Variants in AGBL4 observed in about 807,000 individuals in gnomAD.
AGBL4 encodes the protein cytosolic carboxypeptidase 6.
Under a neutral mutation model 66.4 loss-of-function variants are expected in AGBL4, and 58 were observed. The observed-to-expected ratio is 0.87, with a 90% CI of 0.71 to 1.09. AGBL4 has a LOEUF of 1.09. AGBL4 is among the 50% of genes least tolerant of loss of function. The probability of loss-of-function intolerance (pLI) is 0.00; values close to 1 mark genes in which losing one functional copy is unlikely to be tolerated. For missense variants in AGBL4, 579 were observed against 631.0 expected (o/e 0.92, Z 0.88); for synonymous variants, 234 against 222.9 (o/e 1.05, Z -0.44).
At chr1:49,975,540 C>T (rs1038076753) in intron 1 of AGBL4, among the ~76,000 whole-genome samples, 4 of 152,178 alleles carry the variant, frequency 2.6e-5, no homozygotes, top group Admixed American at 6.5e-5. Context: ...AAAATTTTAA[C>T]ACTTTCTCCC....
intron 5 of AGBL4, among the ~76,000 whole-genome samples, chr1:49,016,278 G>C (rs953853704): frequency 3.3e-5 from 5 of 152,156 alleles, no homozygotes; most frequent in Admixed American, 3.3e-4. Context: ...TGCCTAATGC[G>C]GGGAGGCAGT....
chr1:49,085,749 G>T (rs2147967305), intron 4 of AGBL4, among the ~76,000 whole-genome samples: 1 of 152,154 alleles, frequency 6.6e-6, no homozygotes, highest in East Asian at 2.0e-4. Flanking sequence ...AGGGTCCCCT[G>T]GGGGATTCAT....
At chr1:49,027,661 C>T (rs1232435553) in intron 5 of AGBL4, among the ~76,000 whole-genome samples, 1 of 152,084 alleles carries the variant, frequency 6.6e-6, no homozygotes, top group Non-Finnish European at 1.5e-5. Context: ...CCACAAGCAC[C>T]TCTCACATAG....
intron 3 of AGBL4, among the ~76,000 whole-genome samples, chr1:49,292,373 C>T (rs886196409): frequency 1.3e-5 from 2 of 152,204 alleles, no homozygotes; most frequent in African/African-American, 4.8e-5. Context: ...TTAGACCCCA[C>T]CTTCAAGCCA....
At chr1:48,756,655 A>C (rs1036579120) in intron 6 of AGBL4, among the ~76,000 whole-genome samples, 10 of 152,240 alleles carry the variant, frequency 6.6e-5, no homozygotes, top group African/African-American at 2.4e-4. Flanking sequence ...CCTCCTCTTA[A>C]GGGTAGAGAT....
intron 5 of AGBL4, among the ~76,000 whole-genome samples, chr1:48,889,407 G>T (rs1279967298): frequency 6.6e-6 from 1 of 152,184 alleles, no homozygotes; most frequent in Non-Finnish European, 1.5e-5. Flanking sequence ...GAAGGGAGGG[G>T]TATAGACAGG....
chr1:48,886,653 C>T (rs547303074), intron 5 of AGBL4, among the ~76,000 whole-genome samples: 80 of 152,132 alleles, frequency 5.3e-4, no homozygotes, highest in Middle Eastern at 6.8e-3. Context: ...CCTGGGTGCA[C>T]GCTATTCTCC....
chr1:48,742,110 A>C (rs191888657), intron 6 of AGBL4, among the ~76,000 whole-genome samples: 3 of 152,336 alleles, frequency 2.0e-5, no homozygotes, highest in Non-Finnish European at 1.5e-5. Flanking sequence ...CACAGCTTGA[A>C]GGAGGCTTGG....
At chr1:48,543,070 T>C (rs1644100240) in intron 11 of AGBL4, among the ~76,000 whole-genome samples, 1 of 152,176 alleles carries the variant, frequency 6.6e-6, no homozygotes, top group South Asian at 2.1e-4. Flanking sequence ...GTGAGTACCC[T>C]GGCTGCATGT....
intron 9 of AGBL4, among the ~76,000 whole-genome samples, chr1:48,597,045 C>T (rs1008578814): frequency 6.6e-6 from 1 of 152,144 alleles, no homozygotes; most frequent in African/African-American, 2.4e-5. Flanking sequence ...GTCTATTCCT[C>T]CAGGTGAGAA....
chr1:49,803,769 C>G (rs972019438), intron 2 of AGBL4, among the ~76,000 whole-genome samples: 9 of 152,130 alleles, frequency 5.9e-5, no homozygotes, highest in African/African-American at 2.2e-4. Flanking sequence ...TCATTGCCAT[C>G]AGTATCATAA....
chr1:49,072,956 T>G (rs1644638948), intron 4 of AGBL4, among the ~76,000 whole-genome samples: 1 of 152,206 alleles, frequency 6.6e-6, no homozygotes, highest in Admixed American at 6.5e-5. Context: ...CACTCTTTTT[T>G]TTATCTAATC....
At chr1:48,862,204 C>T (rs921114082) in intron 6 of AGBL4, among the ~76,000 whole-genome samples, 19 of 152,166 alleles carry the variant, frequency 1.2e-4, no homozygotes, top group Non-Finnish European at 7.3e-5. Flanking sequence ...CTCAACTGCC[C>T]GGTTGATAAG....
chr1:49,906,094 TAAGATA>T (rs1650246405), intron 1 of AGBL4, among the ~76,000 whole-genome samples: 2 of 148,888 alleles, frequency 1.3e-5, no homozygotes, highest in Admixed American at 6.8e-5. Flanking sequence ...TTACTCATTT[TAAGATA>T]AAGAGAAACA....
At chr1:48,527,348 C>T in the AGBL4 span, among the ~76,000 whole-genome samples, 2 of 152,112 alleles carry the variant, frequency 1.3e-5, no homozygotes, top group South Asian at 4.2e-4. Flanking sequence ...GTAATCCCAG[C>T]ACTTTGGGAA....
chr1:48,600,638 C>G (rs1448224062), intron 9 of AGBL4, among the ~76,000 whole-genome samples: 1 of 152,178 alleles, frequency 6.6e-6, no homozygotes, highest in African/African-American at 2.4e-5. Context: ...AAAGAGCTTG[C>G]AAGTGGTAGA....
At chr1:49,444,917 CCTTT>C (rs1646118828) in intron 3 of AGBL4, among the ~76,000 whole-genome samples, 1 of 151,596 alleles carries the variant, frequency 6.6e-6, no homozygotes, top group Non-Finnish European at 1.5e-5. Flanking sequence ...TTCTCTTCTT[CCTTT>C]GTGTGATTAC....
intron 3 of AGBL4, among the ~76,000 whole-genome samples, chr1:49,687,860 G>A (rs999625904): frequency 3.9e-5 from 6 of 151,944 alleles, no homozygotes; most frequent in South Asian, 2.1e-4. Context: ...AAGTACATAC[G>A]CAAATTCATT....
At chr1:48,771,752 A>C (rs1231350266) in intron 6 of AGBL4, among the ~76,000 whole-genome samples, 1 of 152,226 alleles carries the variant, frequency 6.6e-6, no homozygotes, top group Non-Finnish European at 1.5e-5. Flanking sequence ...TAGAAGTTCC[A>C]AAGCATTTCT....
Sources: allele counts gnomAD v4.1 joint callset (sites outside exome capture counted in the v4.1 genomes callset), GRCh38; gene constraint gnomAD v4.1.1; transcripts MANE v1.5; gene names NCBI Gene and HGNC (gene_info 2026-07-23, HGNC 2026-07-21).